The following BCL7A variants were observed in gnomAD, a reference collection of about 807,000 sequenced individuals.
BCL7A encodes the protein BAF chromatin remodeling complex subunit BCL7A, also known as B-cell CLL/lymphoma 7 protein family member A.
In BCL7A, 11 loss-of-function variants were observed where a neutral mutation model predicts 28.4. That is an observed-to-expected ratio of 0.39 (90% CI 0.24 to 0.64). The LOEUF (loss-of-function observed/expected upper bound fraction) is 0.64, where lower values mean the gene tolerates loss of function less well. BCL7A is among the 30% of genes least tolerant of loss of function. BCL7A has a pLI of 0.50. For missense variants in BCL7A, 222 were observed against 274.8 expected (o/e 0.81, Z 1.36); for synonymous variants, 123 against 103.3 (o/e 1.19, Z -1.15).
intron 1 of BCL7A, among the ~76,000 whole-genome samples, chr12:122,025,240 G>A (rs1883594311): frequency 6.6e-6 from 1 of 152,152 alleles, no homozygotes; most frequent in South Asian, 2.1e-4. Flanking sequence ...GCTCACGCCT[G>A]TAATCCCAGA....
intron 2 of BCL7A, among the ~76,000 whole-genome samples, chr12:122,031,864 C>T (rs1165174075): frequency 6.6e-6 from 1 of 152,214 alleles, no homozygotes; most frequent in Non-Finnish European, 1.5e-5. Flanking sequence ...CTTCGTGGTT[C>T]CCAGGCCAGT....
intron 1 of BCL7A, among the ~76,000 whole-genome samples, chr12:122,027,273 G>GT (rs1555222632): frequency 6.6e-6 from 1 of 152,208 alleles, no homozygotes; most frequent in African/African-American, 2.4e-5. Flanking sequence ...AGCCTGTTTT[G>GT]TTGTTTGTTT....
Position 122,038,599 on chromosome 12 carries a change from A to C in BCL7A, c.271+3172A>C, listed in dbSNP as rs188830084. Among the ~76,000 whole-genome samples the C allele has an allele frequency of 3.3e-5, 5 of 152,220 alleles. No homozygotes were observed. In the East Asian group the frequency reaches 9.7e-4, roughly 29 times the overall value. On this transcript the variant is annotated intron_variant, in intron 3 of 5. Coordinates refer to ENST00000261822, the MANE Select transcript of BCL7A (RefSeq NM_001024808.3). ...GCCTGTCTCAGTGGCATTCCTTAGC[A>C]TCCCCTTTCCCTCTGGGGACTGGGG...
Position 122,059,095 on chromosome 12 carries a change from T to G in BCL7A, c.565T>G (p.Leu189Val). Residue 189 changes from leucine to valine, a missense_variant, in exon 6 of 6, where the codon TTG becomes GTG. By Grantham distance (32) the Leu-to-Val change is conservative (BLOSUM62 1). Coordinates refer to ENST00000261822, the MANE Select transcript of BCL7A (RefSeq NM_001024808.3). This position sits in a 1 kb window ranked among gnomAD's most constrained non-coding sequence, Gnocchi z 4.0. ...CCCCTTTTCTCCTCTCCCCAAGGAT[T>G]TGGAAGGAGTGCCACCCTCTAAAAA... Reference protein sequence around the residue: ...AAETSAISQDLEGVPPSKKMK... With the variant: ...AAETSAISQDVEGVPPSKKMK... 6.2e-7 allele frequency: 1 copy of G among 1,605,688 alleles called. No individual in the cohort carries two copies. The highest frequency in any genetic ancestry group is 8.5e-7 in the Non-Finnish European group (1 of 1,172,524).
At chr12:122,054,413 T>C (rs1299354031) in intron 4 of BCL7A, among the ~76,000 whole-genome samples, 2 of 152,114 alleles carry the variant, frequency 1.3e-5, no homozygotes, top group Non-Finnish European at 2.9e-5. Flanking sequence ...AAGAGAAATG[T>C]TTACAAAAGG....
At chr12:122,035,819 A>G (rs1049400968) in intron 3 of BCL7A, among the ~76,000 whole-genome samples, 45 of 152,054 alleles carry the variant, frequency 3.0e-4, no homozygotes, top group Admixed American at 2.8e-3. Flanking sequence ...GGAATCTCCA[A>G]ACTGGATTTT....
At chr12:122,041,261 T>G (rs1482286430) in intron 3 of BCL7A, among the ~76,000 whole-genome samples, 1 of 152,132 alleles carries the variant, frequency 6.6e-6, no homozygotes, top group African/African-American at 2.4e-5. Context: ...GTGGTAACGG[T>G]GCCTTTCCAA....
At chr12:122,058,541 C>CA (rs769786023) in intron 5 of BCL7A, among the ~76,000 whole-genome samples, 30 of 152,294 alleles carry the variant, frequency 2.0e-4, no homozygotes, top group Non-Finnish European at 3.8e-4. Flanking sequence ...TGCCTGTAAT[C>CA]ACAGCTACTT....
chr12:122,025,121 C>G (rs551593555), intron 1 of BCL7A, among the ~76,000 whole-genome samples: 2 of 152,234 alleles, frequency 1.3e-5, no homozygotes, highest in Middle Eastern at 3.4e-3. Context: ...TTTTGGGAAA[C>G]TGGGCCAGGG....
At position 122,028,563 on chromosome 12, in the gene BCL7A, C is replaced by T. The variant is rs760094645; in HGVS notation, c.93-2137C>T. 3.3e-5 allele frequency among the ~76,000 whole-genome samples: 5 copies of T among 152,156 alleles called. No individual in the cohort carries two copies. The South Asian group carries it at 6.2e-4, about 19-fold the overall frequency. On this transcript the variant is annotated intron_variant, in intron 1 of 5. Coordinates refer to ENST00000261822, the MANE Select transcript of BCL7A (RefSeq NM_001024808.3). ...CTTCCTCCAGCTTCTGTTACCCTGG[C>T]GCTCCTTTAGAATGATTCTTGGTTT...
At chr12:122,024,154 G>GCTGTACCT (rs1883554455) in intron 1 of BCL7A, among the ~76,000 whole-genome samples, 1 of 152,218 alleles carries the variant, frequency 6.6e-6, no homozygotes, top group African/African-American at 2.4e-5. Context: ...AGCTTGAGGG[G>GCTGTACCT]CTGTACCTCT....
intron 1 of BCL7A, among the ~76,000 whole-genome samples, chr12:122,024,293 C>G (rs979859179): frequency 1.3e-5 from 2 of 152,288 alleles, no homozygotes; most frequent in African/African-American, 4.8e-5. Context: ...ACTTCTCTAA[C>G]CATGGTGACC....
intron 1 of BCL7A, among the ~76,000 whole-genome samples, chr12:122,024,309 T>C (rs529368900): frequency 6.6e-6 from 1 of 152,130 alleles, no homozygotes; most frequent in African/African-American, 2.4e-5. Flanking sequence ...TGACCCGGGG[T>C]TTTGTGCTTG....
chr12:122,046,454 C>T (rs574244202), intron 4 of BCL7A, among the ~76,000 whole-genome samples: 18 of 152,272 alleles, frequency 1.2e-4, no homozygotes, highest in East Asian at 7.7e-4. Flanking sequence ...AGAGCTGATC[C>T]GCACCCCTGT....
At chr12:122,046,132 G>A (rs1372738413) in intron 4 of BCL7A, among the ~76,000 whole-genome samples, 2 of 147,194 alleles carry the variant, frequency 1.4e-5, no homozygotes, top group African/African-American at 5.0e-5. Context: ...CTAAGAAAAT[G>A]AGCAGCATTC....
At chr12:122,030,841 G>A in intron 2 of BCL7A, 60 bp downstream of exon 2, 1 of 1,535,930 alleles carries the variant, frequency 6.5e-7, no homozygotes, top group Non-Finnish European at 9.0e-7. Flanking sequence ...TCCCACCATG[G>A]GGAGGGAGAT....
At chr12:122,035,279 T>C in intron 2 of BCL7A, 52 bp from the exon 3 acceptor site, 1 of 1,518,250 alleles carries the variant, frequency 6.6e-7, no homozygotes, top group Non-Finnish European at 9.1e-7. Context: ...TGAGCACGTG[T>C]GCGCACACAC....
chr12:122,034,650 C>A (rs184021166), intron 2 of BCL7A, among the ~76,000 whole-genome samples: 1 of 151,186 alleles, frequency 6.6e-6, no homozygotes, highest in African/African-American at 2.4e-5. Flanking sequence ...GCAGAAGAAT[C>A]GCTTGAATCT....
At position 122,054,934 on chromosome 12, in the gene BCL7A, G is replaced by T. The variant is rs377104621; in HGVS notation, c.561+8G>T. The T allele has an allele frequency of 3.7e-6, 6 of 1,614,064 alleles. No homozygotes were observed. The highest frequency in any genetic ancestry group is 1.1e-5 in the South Asian group (1 of 91,074). ...ACGTCTGCAATCTCTCAGGTACCTC[G>T]CTCGAGGTCTCAGAGGGGCAGCCAG... On this transcript the variant is annotated splice_region_variant and intron_variant, in intron 5 of 5. Transcript: ENST00000261822.
Sources: gnomAD v4.1 joint callset for allele counts (sites outside exome capture counted in the v4.1 genomes callset) on GRCh38, gnomAD v4.1.1 for gene constraint, Gnocchi (gnomAD v3.1) non-coding constraint, MANE v1.5 for transcripts, NCBI Gene and HGNC (gene_info 2026-07-23, HGNC 2026-07-21) for gene names.